Variants in EBF2 observed in about 807,000 individuals in gnomAD.
EBF2 encodes EBF transcription factor 2.
In EBF2, 21 loss-of-function variants were observed where a neutral mutation model predicts 72.8. The observed-to-expected ratio is 0.29, with a 90% confidence interval of 0.20 to 0.42. The LOEUF (loss-of-function observed/expected upper bound fraction) is 0.42, where lower values mean the gene tolerates loss of function less well. Ranked by LOEUF, EBF2 falls within the 10% of genes least tolerant of loss-of-function variation. The pLI is 1.00. For synonymous variants in EBF2, 299 were observed against 274.2 expected (o/e 1.09, Z -0.89); for missense variants, 637 against 731.2 (o/e 0.87, Z 1.49).
At chr8:25,988,595 G>C (rs534684678) in intron 6 of EBF2, among the ~76,000 whole-genome samples, 100 of 152,244 alleles carry the variant, frequency 6.6e-4, no homozygotes, top group African/African-American at 2.3e-3. Context: ...CATGTAGCTG[G>C]CATTATGCTA....
At chr8:25,968,438 G>T (rs992073217) in intron 6 of EBF2, among the ~76,000 whole-genome samples, 7 of 152,124 alleles carry the variant, frequency 4.6e-5, no homozygotes, top group African/African-American at 1.7e-4. Flanking sequence ...AGTTATGAAC[G>T]AATATTGTAT....
rs535200269 is a variant in EBF2, at chr8:26,045,149, T to A, written c.-290A>T. The A allele has an allele frequency of 3.8e-6, 1 of 260,712 alleles. No individual in the cohort carries two copies. The highest frequency in any genetic ancestry group is 7.4e-6 in the Non-Finnish European group (1 of 134,528). 16.1% of individuals were successfully genotyped at this position (260,712 alleles called of 1,614,324 possible). On this transcript the variant is annotated 5_prime_UTR_variant, in exon 1 of 16. Coordinates refer to ENST00000520164, the MANE Select transcript of EBF2 (RefSeq NM_022659.4). Reference sequence around the variant, plus strand: ...GCATCCTTCCAGCTGCAGTGCTGCCTCCTGAAAGTGATCACAATTTAGAAG... The same window carrying A: ...GCATCCTTCCAGCTGCAGTGCTGCCACCTGAAAGTGATCACAATTTAGAAG...
At chr8:25,946,609 A>C (rs1803772683) in intron 6 of EBF2, among the ~76,000 whole-genome samples, 1 of 152,280 alleles carries the variant, frequency 6.6e-6, no homozygotes, top group Middle Eastern at 3.4e-3. Context: ...AACTATCCTC[A>C]TTGAATGACA....
intron 6 of EBF2, among the ~76,000 whole-genome samples, chr8:25,998,177 T>A (rs1416559270): frequency 6.6e-6 from 1 of 152,148 alleles, no homozygotes; most frequent in East Asian, 1.9e-4. Context: ...GTGGCACACT[T>A]ACTCTACAAA....
chr8:25,986,733 A>C (rs1219408273), intron 6 of EBF2, among the ~76,000 whole-genome samples: 3 of 152,214 alleles, frequency 2.0e-5, no homozygotes, highest in African/African-American at 7.2e-5. Flanking sequence ...CATCAATGTC[A>C]CTAACAATAC....
intron 10 of EBF2, among the ~76,000 whole-genome samples, chr8:25,863,991 T>C (rs1228657921): frequency 6.6e-6 from 1 of 152,186 alleles, no homozygotes; most frequent in Non-Finnish European, 1.5e-5. Flanking sequence ...CTGCATATTT[T>C]TCTATGACAT....
At chr8:26,006,556 A>G (rs1227052565) in intron 6 of EBF2, among the ~76,000 whole-genome samples, 3 of 152,204 alleles carry the variant, frequency 2.0e-5, no homozygotes, top group Admixed American at 6.5e-5. Flanking sequence ...ATGACTCTAT[A>G]TTTAAATAAA....
chr8:25,857,657 A>G (rs1043258072), intron 14 of EBF2, among the ~76,000 whole-genome samples: 3 of 152,176 alleles, frequency 2.0e-5, no homozygotes, highest in Non-Finnish European at 2.9e-5. Context: ...GGTTTTCACA[A>G]CTTCCCAGAG....
intron 14 of EBF2, among the ~76,000 whole-genome samples, chr8:25,857,020 C>T (rs927619967): frequency 1.3e-5 from 2 of 152,062 alleles, no homozygotes; most frequent in African/African-American, 4.8e-5. Flanking sequence ...CAATAATTCC[C>T]CCAAACACTT....
intron 15 of EBF2, among the ~76,000 whole-genome samples, chr8:25,849,152 C>T (rs1215615577): frequency 6.6e-6 from 1 of 152,182 alleles, no homozygotes; most frequent in Non-Finnish European, 1.5e-5. Context: ...ACTACCCATA[C>T]ATTGGGTGGT....
At chr8:25,859,734 T>TTTTTTTTTTTA (rs1183390975) in intron 13 of EBF2, among the ~76,000 whole-genome samples, 4 of 151,102 alleles carry the variant, frequency 2.6e-5, no homozygotes, top group Admixed American at 1.3e-4. Context: ...TTTTTTTTTT[T>TTTTTTTTTTTA]GAGACAAGAT....
At chr8:25,874,853 C>CTTTTTTTTT in intron 10 of EBF2, among the ~76,000 whole-genome samples, 2 of 99,572 alleles carry the variant, frequency 2.0e-5, no homozygotes, top group Non-Finnish European at 3.8e-5. Context: ...GCCTGGCTAA[C>CTTTTTTTTT]TTTTTTTTTT....
At position 26,013,088 on chromosome 8, in the gene EBF2, G is replaced by T. The variant is rs549685916; in HGVS notation, c.551+19997C>A. On this transcript the variant is annotated intron_variant, in intron 6 of 15. Transcript: ENST00000520164. ...AGGAAGAAAATTAAGTCTGGAAGGGGGTTAAGAAGTGCTGGTTTTGGGAGG... is the reference window on the plus strand; with the variant it reads ...AGGAAGAAAATTAAGTCTGGAAGGGTGTTAAGAAGTGCTGGTTTTGGGAGG... Among the ~76,000 whole-genome samples the T allele has an allele frequency of 2.4e-4, 37 of 152,252 alleles. No individual in the cohort carries two copies. The South Asian group carries it at 5.6e-3, about 23-fold the overall frequency.
In EBF2 at chr8:25,861,603, TTG is replaced by T. The variant is rs1286421123; in HGVS notation, c.1099-231_1099-230del. On this transcript the variant is annotated intron_variant, in intron 11 of 15. Transcript: ENST00000520164. ...CTCTATAAAATGGCTCTATAAATGA[TTG>T]TGTTACCAAAACAAAAAACAACCCA... 6.1e-5 allele frequency among the ~76,000 whole-genome samples: 9 copies of T among 148,118 alleles called. 1 individual carries two copies. The South Asian group carries it at 1.7e-3, about 27-fold the overall frequency.
intron 6 of EBF2, among the ~76,000 whole-genome samples, chr8:26,009,565 TGA>T (rs1205194169): frequency 3.9e-5 from 6 of 152,234 alleles, no homozygotes; most frequent in African/African-American, 1.4e-4. Context: ...ACTTGGGTAT[TGA>T]CTCTATTTTG....
At chr8:25,846,233 AT>A (rs771888678) in intron 15 of EBF2, among the ~76,000 whole-genome samples, 1 of 139,904 alleles carries the variant, frequency 7.1e-6, no homozygotes, top group African/African-American at 2.6e-5. Flanking sequence ...AGGTTTTTTT[AT>A]TTTATTTTTT....
At chr8:25,886,460 C>G (rs1045136679) in intron 10 of EBF2, among the ~76,000 whole-genome samples, 1 of 152,186 alleles carries the variant, frequency 6.6e-6, no homozygotes, top group African/African-American at 2.4e-5. Flanking sequence ...ATTTTTTAAT[C>G]TGACCATGTG....
At position 25,889,915 on chromosome 8, in the gene EBF2, G is replaced by T. The variant is rs145746625; in HGVS notation, c.634-46C>A. ...GGAGAAAGGGGGTGCAGTGGAATTA[G>T]TTTCACATGAAGTAGCAAATGCACC... is the stretch of plus-strand genomic sequence containing the variant. On this transcript the variant is annotated intron_variant, in intron 7 of 15. Coordinates refer to ENST00000520164, the MANE Select transcript of EBF2 (RefSeq NM_022659.4). The T allele has an allele frequency of 8.5e-4, 1,300 of 1,535,134 alleles. 5 individuals carry two copies. Among genetic ancestry groups the T allele is most frequent in the Middle Eastern group, 7.5e-3 (44 of 5,870 alleles).
chr8:25,951,651 A>C (rs891154899), intron 6 of EBF2, among the ~76,000 whole-genome samples: 2 of 152,212 alleles, frequency 1.3e-5, no homozygotes, highest in African/African-American at 4.8e-5. Flanking sequence ...CAAAGATGAG[A>C]GAGTTTTTAG....
Sources: gnomAD v4.1 joint callset for allele counts (sites outside exome capture counted in the v4.1 genomes callset) on GRCh38, gnomAD v4.1.1 for gene constraint, MANE v1.5 for transcripts, NCBI Gene and HGNC (gene_info 2026-07-23, HGNC 2026-07-21) for gene names.